The following CCDC158 variants were observed in gnomAD, a reference collection of about 807,000 sequenced individuals.
The protein encoded by CCDC158 is coiled-coil domain-containing protein 158.
In CCDC158, 116 loss-of-function variants were observed where a neutral mutation model predicts 138.6. That is an observed-to-expected ratio of 0.84 (90% CI 0.72 to 0.98). The LOEUF (loss-of-function observed/expected upper bound fraction) is 0.98, where lower values mean the gene tolerates loss of function less well. Ranked by LOEUF, CCDC158 falls within the 50% of genes least tolerant of loss-of-function variation. The pLI, the probability that CCDC158 is intolerant of heterozygous loss-of-function variation, is 0.00. For missense variants in CCDC158, 1,265 were observed against 1,306.1 expected (o/e 0.97, Z 0.48); for synonymous variants, 436 against 442.4 (o/e 0.99, Z 0.18).
chr4:76,332,549 T>C (rs1250047123), intron 19 of CCDC158, 58 bp from the exon 20 acceptor site: 12 of 1,302,886 alleles, frequency 9.2e-6, no homozygotes, highest in Non-Finnish European at 1.3e-5. Context: ...ATCCATGTCT[T>C]TTTTAGACTA....
intron 18 of CCDC158, among the ~76,000 whole-genome samples, chr4:76,341,022 G>A (rs1157371513): frequency 6.6e-6 from 1 of 152,084 alleles, no homozygotes; most frequent in Non-Finnish European, 1.5e-5. Flanking sequence ...AAGTTGTTAA[G>A]CTTAAGGTTT....
At chr4:76,350,492 CTT>C (rs1272714656) in intron 18 of CCDC158, among the ~76,000 whole-genome samples, 1 of 151,972 alleles carries the variant, frequency 6.6e-6, no homozygotes, top group Non-Finnish European at 1.5e-5. Context: ...AGAAAACAAA[CTT>C]GAATTTTACA....
intron 12 of CCDC158, among the ~76,000 whole-genome samples, chr4:76,366,994 T>C (rs910855672): frequency 1.1e-4 from 16 of 152,260 alleles, no homozygotes; most frequent in African/African-American, 3.9e-4. Flanking sequence ...GGGGTTCAAA[T>C]TTAGGTCTGT....
At chr4:76,345,401 C>G (rs1722452245) in intron 18 of CCDC158, 1 of 952,492 alleles carries the variant, frequency 1.0e-6, no homozygotes, top group African/African-American at 1.6e-5. Context: ...CTGAGGCACA[C>G]CAGCAGGAGT....
chr4:76,349,933 G>A (rs550667968), intron 18 of CCDC158, among the ~76,000 whole-genome samples: 2 of 152,250 alleles, frequency 1.3e-5, no homozygotes, highest in South Asian at 4.1e-4. Flanking sequence ...ATATTTAACT[G>A]ACTCGCCCAA....
chr4:76,350,925 T>C lies in CCDC158; in HGVS notation c.2664+71A>G. On this transcript the variant is annotated intron_variant, in intron 18 of 24. Transcript: ENST00000682701. ...GATATAGAGATATTATTTTTTAACG[T>C]AATTCTTTCCAATTTAAAATTACTT... is the stretch of plus-strand genomic sequence containing the variant. 4 of 1,445,836 alleles carry C rather than the reference T, an allele frequency of 2.8e-6. No homozygotes were observed. In the East Asian group the frequency reaches 7.0e-5, roughly 25 times the overall value. The allele number at this position is 1,445,836 out of a possible 1,614,324, so 89.6% of individuals were successfully genotyped here. A position where few individuals can be genotyped will look rare whatever the true frequency, so the allele number is the denominator to read the frequency against.
chr4:76,399,886 G>A (rs932525215), intron 3 of CCDC158, among the ~76,000 whole-genome samples: 1 of 152,134 alleles, frequency 6.6e-6, no homozygotes. Flanking sequence ...TGGGGGGTGA[G>A]AAGAAATGCA....
chr4:76,383,599 G>T (rs372324069), intron 7 of CCDC158, 63 bp downstream of exon 7: 1 of 1,217,350 alleles, frequency 8.2e-7, no homozygotes, highest in South Asian at 1.2e-5. Context: ...AATTGTGGCC[G>T]AAACACTGTA....
intron 11 of CCDC158, 91 bp from the exon 12 acceptor site, chr4:76,367,867 C>A: frequency 2.7e-5 from 32 of 1,190,628 alleles, no homozygotes; most frequent in Non-Finnish European, 3.2e-5. Flanking sequence ...AGCATGAAAT[C>A]ATGAATTAGG....
At chr4:76,355,842 G>A (rs1480720629) in intron 14 of CCDC158, among the ~76,000 whole-genome samples, 1 of 137,126 alleles carries the variant, frequency 7.3e-6, no homozygotes, top group African/African-American at 2.7e-5. Flanking sequence ...GACATGGGGG[G>A]TGTCACATAA....
Position 76,367,698 on chromosome 4 carries a change from T to A in CCDC158, c.1426A>T (p.Met476Leu). The A allele has an allele frequency of 1.2e-6, 2 of 1,614,168 alleles. No homozygotes were observed. The highest frequency in any genetic ancestry group is 1.1e-5 in the South Asian group (1 of 91,088). ...LTAQLESTKE[M>L]LRKVVEELTA... is the part of the protein sequence containing the mutation. Reference sequence around the variant, plus strand: ...AACTCTTCTACTACTTTGCGCAGCATCTCTTTGGTGGATTCAAGCTGAGCA... The same window carrying A: ...AACTCTTCTACTACTTTGCGCAGCAACTCTTTGGTGGATTCAAGCTGAGCA... Residue 476 changes from methionine (M) to leucine (L), a missense_variant, in exon 12 of 25, where the codon ATG becomes TTG. Physicochemically the swap from Met to Leu is conservative, Grantham distance 15. Coordinates refer to ENST00000682701, the MANE Select transcript of CCDC158 (RefSeq NM_001394954.1).
chr4:76,390,323 A>G (rs867968450), intron 4 of CCDC158, among the ~76,000 whole-genome samples: 2 of 152,096 alleles, frequency 1.3e-5, no homozygotes, highest in African/African-American at 2.4e-5. Context: ...AATGGTTTAT[A>G]AGAGAGTATT....
chr4:76,418,136 C>T (rs1311375292), intron 1 of CCDC158, among the ~76,000 whole-genome samples: 1 of 152,134 alleles, frequency 6.6e-6, no homozygotes. Context: ...GGCATATGAT[C>T]CTCCAGCGGC....
At position 76,380,149 on chromosome 4, in the gene CCDC158, G is replaced by A. The variant is rs182239896; in HGVS notation, c.915-745C>T. On this transcript the variant is annotated intron_variant, in intron 8 of 24. Coordinates refer to ENST00000682701, the MANE Select transcript of CCDC158 (RefSeq NM_001394954.1). ...AATACAGAAAACTGGTACCAGGAGA[G>A]TGGGGCACTGCTATAAAGATATCTG... 1.6e-3 allele frequency among the ~76,000 whole-genome samples: 241 copies of A among 152,326 alleles called. 2 individuals carry two copies. The highest frequency in any genetic ancestry group is 5.5e-3 in the African/African-American group (227 of 41,560).
intron 20 of CCDC158, among the ~76,000 whole-genome samples, chr4:76,331,717 G>C (rs1243820371): frequency 6.6e-6 from 1 of 152,112 alleles, no homozygotes. Flanking sequence ...GGTTTGATTA[G>C]AGGATAATAC....
At chr4:76,370,567 A>T (rs1725136803) in intron 10 of CCDC158, among the ~76,000 whole-genome samples, 1 of 152,078 alleles carries the variant, frequency 6.6e-6, no homozygotes, top group South Asian at 2.1e-4. Flanking sequence ...AGAGGAGAAA[A>T]ACTGGAGTTG....
intron 3 of CCDC158, among the ~76,000 whole-genome samples, chr4:76,397,943 A>G (rs1210603070): frequency 2.0e-5 from 3 of 152,208 alleles, no homozygotes; most frequent in Non-Finnish European, 4.4e-5. Context: ...GTGAGCCTGA[A>G]ACGTTTTGAT....
Position 76,351,033 on chromosome 4 carries a change from A to G in CCDC158, c.2627T>C (p.Val876Ala). 1 of 1,614,028 alleles carries G rather than the reference A, an allele frequency of 6.2e-7. No homozygotes were observed. Among genetic ancestry groups the G allele is most frequent in the Non-Finnish European group, 8.5e-7 (1 of 1,179,910 alleles). Reference protein sequence around the residue: ...PASVTRSHSNVPSSQSTASFL... With the variant: ...PASVTRSHSNAPSSQSTASFL... The stretch of plus-strand genomic sequence containing the variant: ...GCTGGCTGTAGACTGCGAAGATGGT[A>G]CATTAGAATGAGAACGAGTAACAGA... Residue 876 changes from valine (V) to alanine (A), a missense_variant, in exon 18 of 25, where the codon GTA becomes GCA. Coordinates refer to ENST00000682701, the MANE Select transcript of CCDC158 (RefSeq NM_001394954.1).
intron 18 of CCDC158, among the ~76,000 whole-genome samples, chr4:76,345,887 C>A (rs1365812930): frequency 6.6e-6 from 1 of 152,060 alleles, no homozygotes; most frequent in African/African-American, 2.4e-5. Context: ...TTAGAAAAAA[C>A]TACTTTAAAT....
Sources: gnomAD v4.1 joint callset for allele counts (sites outside exome capture counted in the v4.1 genomes callset) on GRCh38, gnomAD v4.1.1 for gene constraint, MANE v1.5 for transcripts, NCBI Gene and HGNC (gene_info 2026-07-23, HGNC 2026-07-21) for gene names.